Variants in KRIT1 observed in about 807,000 individuals in gnomAD.
The protein encoded by KRIT1 is KRIT1 ankyrin repeat containing.
Under a neutral mutation model 95.8 loss-of-function variants are expected in KRIT1, and 45 were observed. The observed-to-expected ratio is 0.47, with a 90% CI of 0.37 to 0.60. The LOEUF is 0.60. Ranked by LOEUF, KRIT1 falls within the 20% of genes least tolerant of loss-of-function variation. The pLI is 0.00. For missense variants in KRIT1, 788 were observed against 877.5 expected (o/e 0.90, Z 1.29); for synonymous variants, 282 against 278.8 (o/e 1.01, Z -0.11).
At chr7:92,230,067 G>A (rs370680340) in intron 10 of KRIT1, among the ~76,000 whole-genome samples, 10 of 152,234 alleles carry the variant, frequency 6.6e-5, no homozygotes, top group African/African-American at 1.9e-4. Context: ...GTAGCAATTC[G>A]AGAAGTAATA....
In KRIT1 at chr7:92,225,810, T is replaced by C. The variant is rs1481868592; in HGVS notation, c.1164A>G (p.Gln388=). The C allele has an allele frequency of 2.5e-6, 4 of 1,602,202 alleles. No individual in the cohort carries two copies. Among genetic ancestry groups the C allele is most frequent in the Non-Finnish European group, 2.6e-6 (3 of 1,169,332 alleles). ...CACAAATATTTAATGGAGATCTTCC[T>C]TGTTGGTCTGTTATATGCTAGAAAT... is the stretch of plus-strand genomic sequence containing the variant. ...PETDRHITDQ[Q]GRSPLNICEE... The change falls in exon 12 of 19, where the codon CAA becomes CAG. Residue 388 remains glutamine (Q), a synonymous_variant. Transcript: ENST00000394505.
chr7:92,201,238 A>C (rs1204739560), intron 18 of KRIT1, 69 bp downstream of exon 18: 3 of 806,246 alleles, frequency 3.7e-6, no homozygotes, highest in Non-Finnish European at 6.6e-6. Flanking sequence ...AATGGATGTC[A>C]CTTTTTTAAA....
At position 92,242,071 on chromosome 7, in the gene KRIT1, C is replaced by T. The variant is rs746318987; in HGVS notation, c.65G>A (p.Ser22Asn). The change falls in exon 4 of 19, where the codon AGT becomes AAT. Residue 22 changes from serine to asparagine, a missense_variant. Physicochemically the swap from Ser to Asn is conservative, Grantham distance 46 (BLOSUM62 1). Transcript: ENST00000394505. The stretch of plus-strand genomic sequence containing the variant: ...AGCTCTGTATTCCCGAGAATTGAGA[C>T]TGGCAGTATTCTTTGGACGAATAAC... ...VAVIRPKNTA[S>N]LNSREYRAKS... is the part of the protein sequence containing the mutation. The T allele has an allele frequency of 6.3e-7, 1 of 1,595,936 alleles. No homozygotes were observed. Among genetic ancestry groups the T allele is most frequent in the African/African-American group, 1.3e-5 (1 of 74,628 alleles).
At chr7:92,244,434 A>C (rs1381506623) in intron 2 of KRIT1, among the ~76,000 whole-genome samples, 1 of 152,260 alleles carries the variant, frequency 6.6e-6, no homozygotes, top group African/African-American at 2.4e-5. Flanking sequence ...TGATTTTAAA[A>C]AGACATAACT....
At chr7:92,203,177 A>T in intron 17 of KRIT1, among the ~76,000 whole-genome samples, 1 of 152,212 alleles carries the variant, frequency 6.6e-6, no homozygotes, top group East Asian at 1.9e-4. Context: ...CCTATCTCTG[A>T]CACTAATGTA....
chr7:92,226,980 A>T (rs1233584615), intron 10 of KRIT1, among the ~76,000 whole-genome samples: 4 of 152,340 alleles, frequency 2.6e-5, no homozygotes, highest in Non-Finnish European at 5.9e-5. Context: ...GTGTACTACA[A>T]AGGTTAGATA....
At chr7:92,211,341 T>C (rs1214970325) in intron 17 of KRIT1, among the ~76,000 whole-genome samples, 1 of 152,140 alleles carries the variant, frequency 6.6e-6, no homozygotes, top group Admixed American at 6.5e-5. Flanking sequence ...TATTCAGCCA[T>C]AAAAAAGAAT....
chr7:92,204,370 G>A (rs142706034), intron 17 of KRIT1, among the ~76,000 whole-genome samples: 30 of 152,124 alleles, frequency 2.0e-4, no homozygotes, highest in African/African-American at 6.5e-4. Context: ...GATCGGTTTC[G>A]TGGCAGACAA....
At chr7:92,205,389 A>T (rs1227471439) in intron 17 of KRIT1, among the ~76,000 whole-genome samples, 1 of 152,202 alleles carries the variant, frequency 6.6e-6, no homozygotes, top group Admixed American at 6.5e-5. Flanking sequence ...TGAGGAAAAT[A>T]AAAACTGGGT....
intron 10 of KRIT1, among the ~76,000 whole-genome samples, chr7:92,231,360 A>G (rs369705052): frequency 6.6e-6 from 1 of 152,312 alleles, no homozygotes; most frequent in East Asian, 1.9e-4. Context: ...TTTAATACAC[A>G]TGGAATATTT....
chr7:92,207,461 C>CA (rs1293837036), intron 17 of KRIT1, among the ~76,000 whole-genome samples: 1 of 152,008 alleles, frequency 6.6e-6, no homozygotes, highest in Non-Finnish European at 1.5e-5. Context: ...TGACAGACTC[C>CA]AATACAATAA....
At chr7:92,236,586 T>TA (rs781527874) in intron 6 of KRIT1, 44 bp from the exon 7 acceptor site, 3 of 1,213,012 alleles carry the variant, frequency 2.5e-6, no homozygotes, top group Non-Finnish European at 3.6e-6. Context: ...ATAAAAGGTT[T>TA]ACATCTGCAT....
chr7:92,241,410 C>T (rs1799612073), intron 4 of KRIT1, among the ~76,000 whole-genome samples: 2 of 152,174 alleles, frequency 1.3e-5, no homozygotes, highest in African/African-American at 2.4e-5. Context: ...CAGTAGCCTA[C>T]TCAGAAACCC....
intron 10 of KRIT1, among the ~76,000 whole-genome samples, chr7:92,230,787 G>A (rs1797119249): frequency 1.3e-5 from 2 of 152,178 alleles, no homozygotes; most frequent in South Asian, 2.1e-4. Context: ...ATTAGGGATA[G>A]AGAAGAACAT....
chr7:92,235,470 G>C lies in KRIT1; in HGVS notation c.662C>G (p.Ala221Gly), dbSNP rs151231929. The C allele has an allele frequency of 1.2e-6, 2 of 1,613,258 alleles. No individual in the cohort carries two copies. Among genetic ancestry groups the C allele is most frequent in the Non-Finnish European group, 1.7e-6 (2 of 1,179,288 alleles). The change falls in exon 8 of 19, where the codon GCC (alanine) becomes GGC (glycine). Residue 221 changes from alanine (A) to glycine (G), a missense_variant. By Grantham distance (60) the Ala-to-Gly change is moderately conservative. This residue lies in a region of KRIT1 where 289 missense variants were observed against 277.5 expected (regional missense o/e 1.04). Transcript: ENST00000394505. ...SALEIKSKMLALEKADTCIYN... is the reference protein window; with the variant it reads ...SALEIKSKMLGLEKADTCIYN... ...AATACAGGTATCTGCTTTCTCTAGGGCTAACATTTTACTCTTTATTTCTAG... is the reference window on the plus strand; with the variant it reads ...AATACAGGTATCTGCTTTCTCTAGGCCTAACATTTTACTCTTTATTTCTAG...
In KRIT1 at chr7:92,222,990, G is replaced by A. The variant is rs1466107875; in HGVS notation, c.1255-12C>T. 8 of 1,581,734 alleles carry A rather than the reference G, an allele frequency of 5.1e-6. No individual in the cohort carries two copies. Among genetic ancestry groups the A allele is most frequent in the Middle Eastern group, 1.7e-4 (1 of 6,012 alleles). On this transcript the variant is annotated splice_polypyrimidine_tract_variant and intron_variant, in intron 12 of 18. Coordinates refer to ENST00000394505, the MANE Select transcript of KRIT1 (RefSeq NM_194454.3). ...CGAACTTTTTCATACTACAAGAAACGATAACTTACGTAACGAACTTAAAAA... is the reference window on the plus strand; with the variant it reads ...CGAACTTTTTCATACTACAAGAAACAATAACTTACGTAACGAACTTAAAAA...
rs1344625688 is a variant in KRIT1 at position 92,226,595 on chromosome 7, A to C, written c.1077T>G (p.Leu359=). The change falls in exon 11 of 19, where the codon CTT becomes CTG. Residue 359 remains leucine (L), a synonymous_variant. Coordinates refer to ENST00000394505, the MANE Select transcript of KRIT1 (RefSeq NM_194454.3). ...CATGTCCTCCTCCAGCAGCAAAATG[A>C]AGAGGAGAACTAAGTTGTCCATTTA... ...NLLNGQLSSP[L]HFAAGGGHAE... is the part of the protein sequence containing the mutation. 1 of 1,612,718 alleles carries C rather than the reference A, an allele frequency of 6.2e-7. No individual in the cohort carries two copies. Among genetic ancestry groups the C allele is most frequent in the Non-Finnish European group, 8.5e-7 (1 of 1,178,788 alleles).
At chr7:92,228,277 G>C (rs1014404758) in intron 10 of KRIT1, among the ~76,000 whole-genome samples, 105 of 152,372 alleles carry the variant, frequency 6.9e-4, no homozygotes, top group African/African-American at 2.5e-3. Flanking sequence ...CACACAGTGA[G>C]TCAACCTCTT....
rs1793445060 is a variant in KRIT1 at position 92,214,099 on chromosome 7, G to C, written c.1731-120C>G. On this transcript the variant is annotated intron_variant, in intron 15 of 18. Transcript: ENST00000394505. ...TTTTTAACCTGAAAAATATTTTGCT[G>C]TAAAATATCAGAGAACTCTAAAAAT... The C allele has an allele frequency of 8.7e-6, 6 of 687,142 alleles. No individual in the cohort carries two copies. In the South Asian group the frequency reaches 9.8e-5, roughly 11 times the overall value. The allele number at this position is 687,142 out of a possible 1,614,324, so 42.6% of individuals were successfully genotyped here.
Sources: allele counts gnomAD v4.1 joint callset (sites outside exome capture counted in the v4.1 genomes callset), GRCh38; gene constraint gnomAD v4.1.1; regional missense constraint gnomAD v4.1.1; transcripts MANE v1.5; gene names NCBI Gene and HGNC (gene_info 2026-07-23, HGNC 2026-07-21).